The following ZNF317 variants were observed in gnomAD, a reference collection of about 807,000 sequenced individuals.
ZNF317 encodes the protein zinc finger protein 317, also known as KRAB-containing zinc finger protein 317.
A neutral mutation model predicts 23.4 loss-of-function variants in ZNF317; 17 were observed. The ratio of observed to expected loss-of-function variants is 0.73; its 90% confidence interval spans 0.50 to 1.09. The LOEUF is 1.09. Among genes scored for constraint, ZNF317 ranks in the 50% least tolerant of loss-of-function variants. ZNF317 has a pLI of 0.00. For missense variants in ZNF317, 679 were observed against 796.7 expected (o/e 0.85, Z 1.78); for synonymous variants, 317 against 314.9 (o/e 1.01, Z -0.07).
intron 1 of ZNF317, among the ~76,000 whole-genome samples, chr19:9,141,195 G>GT (rs2145934866): frequency 6.6e-6 from 1 of 151,966 alleles, no homozygotes; most frequent in Admixed American, 6.6e-5. Flanking sequence ...GAATTTTACC[G>GT]TCTTATTTTG....
At chr19:9,157,860 T>C (rs1228182292) in intron 4 of ZNF317, 120 bp from the exon 5 acceptor site, 1 of 1,417,112 alleles carries the variant, frequency 7.1e-7, no homozygotes, top group East Asian at 2.6e-5. Flanking sequence ...ATTTTGCTGC[T>C]CCTAAGTCAG....
intron 3 of ZNF317, 125 bp from the exon 4 acceptor site, chr19:9,157,143 C>T: frequency 8.3e-7 from 1 of 1,201,940 alleles, no homozygotes; most frequent in Non-Finnish European, 1.2e-6. Context: ...AATGTTGAGC[C>T]CCGTAGCAGG....
Position 9,155,909 on chromosome 19 carries a change from C to A in ZNF317, c.-92-16C>A. 1 of 1,400,200 alleles carries A rather than the reference C, an allele frequency of 7.1e-7. No individual in the cohort carries two copies. The highest frequency in any genetic ancestry group is 1.2e-5 in the South Asian group (1 of 86,294). 86.7% of individuals were successfully genotyped at this position (1,400,200 alleles called of 1,614,324 possible). The stretch of plus-strand genomic sequence containing the variant: ...ATAGCCTTTCACTACTCCCGATGTT[C>A]TTTCATTTGCTACAGATGCCAGCTT... On this transcript the variant is annotated splice_polypyrimidine_tract_variant and intron_variant, in intron 1 of 6. Transcript: ENST00000247956.
At position 9,147,909 on chromosome 19, in the gene ZNF317, C is replaced by T. The variant is rs1457288005; in HGVS notation, c.-93+7317C>T. ...GGGGCCTGGTGGGGGGCGATTGGAT[C>T]AGGGGGGCAGATTTCTCATGAATGG... On this transcript the variant is annotated intron_variant, in intron 1 of 6. Transcript: ENST00000247956. Among the ~76,000 whole-genome samples the T allele has an allele frequency of 3.3e-5, 5 of 152,188 alleles. No individual in the cohort carries two copies. In the East Asian group the frequency reaches 9.7e-4, roughly 29 times the overall value.
In ZNF317 at chr19:9,162,124, C is replaced by T. The variant is rs902003087; in HGVS notation, c.*691C>T. ...TCTACAGCACGGGTTCTCAGTCGGG[C>T]GACGATTTGGCTGTCTAGGCGTCAT... On this transcript the variant is annotated 3_prime_UTR_variant, in exon 7 of 7. Coordinates refer to ENST00000247956, the MANE Select transcript of ZNF317 (RefSeq NM_020933.5). 3.3e-5 allele frequency: 5 copies of T among 151,958 alleles called. No homozygotes were observed. The highest frequency in any genetic ancestry group is 4.8e-5 in the African/African-American group (2 of 41,352). 9.4% of individuals were successfully genotyped at this position (151,958 alleles called of 1,614,324 possible).
Position 9,160,659 on chromosome 19 carries a change from CTG to C in ZNF317, c.1017_1018del (p.Cys339TrpfsTer39), listed in dbSNP as rs778422509. 1.2e-6 allele frequency: 2 copies of C among 1,614,130 alleles called. No homozygotes were observed. Among genetic ancestry groups the C allele is most frequent in the Non-Finnish European group, 1.7e-6 (2 of 1,180,030 alleles). ...GAGAGAGGCCCTACGAGTGTCACGA[CTG>C]TGGGAAAGCTTTCCAGCACCCCTCC... ...TGERPYECHD[C>X]GKAFQHPSHL... is the part of the protein sequence containing the mutation. On this transcript the variant is annotated frameshift_variant, in exon 7 of 7. Coordinates refer to ENST00000247956, the MANE Select transcript of ZNF317 (RefSeq NM_020933.5). LOFTEE classifies it low-confidence loss of function (END_TRUNC). This position sits in a 1 kb window ranked among gnomAD's most constrained non-coding sequence, Gnocchi z 6.8.
chr19:9,158,114 A>C, intron 5 of ZNF317, 39 bp downstream of exon 5: 1 of 1,530,050 alleles, frequency 6.5e-7, no homozygotes, highest in Non-Finnish European at 8.8e-7. Context: ...CTGTGACTCT[A>C]CCTCTATTCA....
At chr19:9,151,527 C>T (rs539034665) in intron 1 of ZNF317, among the ~76,000 whole-genome samples, 19 of 151,882 alleles carry the variant, frequency 1.3e-4, no homozygotes, top group Non-Finnish European at 2.5e-4. Flanking sequence ...TCATGAGAGT[C>T]GCGGTGGAAG....
intron 1 of ZNF317, among the ~76,000 whole-genome samples, chr19:9,154,688 C>T (rs910395017): frequency 5.3e-5 from 8 of 152,102 alleles, no homozygotes; most frequent in African/African-American, 1.9e-4. Context: ...CATTTTTGTA[C>T]GAGTCTTTGT....
Position 9,156,985 on chromosome 19 carries a change from G to A in ZNF317, c.162+237G>A, listed in dbSNP as rs543272272. The A allele has an allele frequency of 1.5e-3, 950 of 647,086 alleles. 7 individuals are homozygous for A. The highest frequency in any genetic ancestry group is 5.3e-3 in the South Asian group (252 of 47,588). The allele number at this position is 647,086 out of a possible 1,614,324, so 40.1% of individuals were successfully genotyped here. On this transcript the variant is annotated intron_variant, in intron 3 of 6. Transcript: ENST00000247956. ...TCTCAGGCCCTTGCTCAGCCCCAGA[G>A]ACGGGGGGAAATAAAGGGCAAAGCT... is the stretch of plus-strand genomic sequence containing the variant.
Position 9,140,544 on chromosome 19 carries a change from C to T in ZNF317, c.-141C>T, listed in dbSNP as rs17002013. On this transcript the variant is annotated 5_prime_UTR_variant, in exon 1 of 7. Transcript: ENST00000247956. ...CTCCCGTATGAACTTCTCTTCGCAT[C>T]GGCGGCGGCTTCCGTCACCTCCGCT... 97,621 of 456,338 alleles carry T rather than the reference C, an allele frequency of 0.21. 11,173 individuals carry two copies. The highest frequency in any genetic ancestry group is 0.34 in the African/African-American group (16,888 of 50,078). 28.3% of individuals were successfully genotyped at this position (456,338 alleles called of 1,614,324 possible). A position where few individuals can be genotyped will look rare whatever the true frequency, so the allele number is the denominator to read the frequency against.
At chr19:9,152,375 C>T (rs2050743201) in intron 1 of ZNF317, among the ~76,000 whole-genome samples, 1 of 152,186 alleles carries the variant, frequency 6.6e-6, no homozygotes, top group African/African-American at 2.4e-5. Context: ...CGGTCCCTGG[C>T]CTTTTAGGAA....
chr19:9,152,250 C>T (rs2050742223), intron 1 of ZNF317, among the ~76,000 whole-genome samples: 1 of 152,114 alleles, frequency 6.6e-6, no homozygotes, highest in Admixed American at 6.5e-5. Flanking sequence ...CTGCCTCAGT[C>T]TCTTGTTATA....
intron 1 of ZNF317, among the ~76,000 whole-genome samples, chr19:9,151,907 C>CTTTTTTTTT (rs57588267): frequency 1.6e-5 from 2 of 128,810 alleles, no homozygotes; most frequent in Non-Finnish European, 3.2e-5. Flanking sequence ...TGGTCCTGGA[C>CTTTTTTTTT]TTTTTTTTTT....
intron 4 of ZNF317, chr19:9,157,779 G>A (rs1051233130): frequency 7.5e-7 from 1 of 1,332,292 alleles, no homozygotes; most frequent in Admixed American, 3.6e-5. Context: ...GAGCCACCAT[G>A]CTTTGCCTGT....
Position 9,160,803 on chromosome 19 carries a change from G to C in ZNF317, c.1158G>C (p.Val386=). The C allele has an allele frequency of 1.2e-6, 2 of 1,614,170 alleles. No homozygotes were observed. The highest frequency in any genetic ancestry group is 1.7e-6 in the Non-Finnish European group (2 of 1,180,038). Residue 386 remains valine, a synonymous_variant, in exon 7 of 7, where the codon GTG becomes GTC. Transcript: ENST00000247956. This position sits in a 1 kb window ranked among gnomAD's most constrained non-coding sequence, Gnocchi z 6.8. ...ATTTGCACAAGAAGAACCACATGGTGGAGAAGACCTACGAATGTAAAGAAT... is the reference window on the plus strand; with the variant it reads ...ATTTGCACAAGAAGAACCACATGGTCGAGAAGACCTACGAATGTAAAGAAT... ...NFNLHKKNHM[V]EKTYECKECG...
At chr19:9,152,538 T>G (rs1449323473) in intron 1 of ZNF317, among the ~76,000 whole-genome samples, 1 of 152,232 alleles carries the variant, frequency 6.6e-6, no homozygotes, top group Non-Finnish European at 1.5e-5. Flanking sequence ...GACCCTATTG[T>G]GCACTGCACA....
At chr19:9,145,352 C>T (rs893838023) in intron 1 of ZNF317, among the ~76,000 whole-genome samples, 7 of 152,156 alleles carry the variant, frequency 4.6e-5, no homozygotes, top group African/African-American at 7.2e-5. Flanking sequence ...CGAACTCCTG[C>T]GTGCAAGTGA....
Position 9,156,704 on chromosome 19 carries a change from G to A in ZNF317, c.118G>A (p.Val40Met), listed in dbSNP as rs749903062. 12 of 1,613,986 alleles carry A rather than the reference G, an allele frequency of 7.4e-6. No homozygotes were observed. Among genetic ancestry groups the A allele is most frequent in the African/African-American group, 2.7e-5 (2 of 74,898 alleles). ...CTGTCCCCAGAATTTGGACCTGTTC[G>A]TGTGCAGTGGTCTGGAGCCTCACAC... ...HSCPQNLDLFVCSGLEPHTPS... is the reference protein window; with the variant it reads ...HSCPQNLDLFMCSGLEPHTPS... Residue 40 changes from valine to methionine, a missense_variant, in exon 3 of 7, where the codon GTG (valine) becomes ATG (methionine). Transcript: ENST00000247956.
Sources: allele counts gnomAD v4.1 joint callset (sites outside exome capture counted in the v4.1 genomes callset), GRCh38; gene constraint gnomAD v4.1.1; non-coding constraint Gnocchi (gnomAD v3.1); transcripts MANE v1.5; gene names NCBI Gene and HGNC (gene_info 2026-07-23, HGNC 2026-07-21).